The following ST6GAL1 variants were observed in gnomAD, a reference collection of about 807,000 sequenced individuals.
ST6GAL1 encodes beta-galactoside alpha-2,6-sialyltransferase 1.
A neutral mutation model predicts 38.0 loss-of-function variants in ST6GAL1; 20 were observed. The ratio of observed to expected loss-of-function variants is 0.53; its 90% CI spans 0.37 to 0.77. The LOEUF is 0.77. ST6GAL1 is among the 30% of genes least tolerant of loss of function. The pLI is 0.00. For synonymous variants in ST6GAL1, 196 were observed against 188.2 expected (o/e 1.04, Z -0.34); for missense variants, 432 against 496.4 (o/e 0.87, Z 1.23).
chr3:186,984,542 T>C (rs984904450), intron 2 of ST6GAL1, among the ~76,000 whole-genome samples: 1 of 151,962 alleles, frequency 6.6e-6, no homozygotes, highest in Non-Finnish European at 1.5e-5. Flanking sequence ...ACCAGTGCAC[T>C]CCTGCCTTGA....
chr3:186,983,522 A>G (rs1247195804), intron 2 of ST6GAL1, among the ~76,000 whole-genome samples: 1 of 152,122 alleles, frequency 6.6e-6, no homozygotes, highest in Non-Finnish European at 1.5e-5. Flanking sequence ...ACAGTGATCC[A>G]GGGGCACTCA....
intron 2 of ST6GAL1, among the ~76,000 whole-genome samples, chr3:186,972,926 CA>C (rs1715398014): frequency 6.6e-6 from 1 of 152,104 alleles, no homozygotes; most frequent in Non-Finnish European, 1.5e-5. Context: ...AGTGTATTTC[CA>C]GGGGGAATGG....
intron 5 of ST6GAL1, chr3:187,064,716 T>C: frequency 2.3e-6 from 1 of 441,514 alleles, no homozygotes; most frequent in Non-Finnish European, 4.5e-6. Flanking sequence ...GCACTTGTGG[T>C]GGTACTGAAC....
At chr3:186,949,610 C>T (rs557709213) in intron 1 of ST6GAL1, among the ~76,000 whole-genome samples, 1 of 152,350 alleles carries the variant, frequency 6.6e-6, no homozygotes, top group African/African-American at 2.4e-5. Context: ...TCTCCCCAGC[C>T]AGATCCAGTG....
intron 3 of ST6GAL1, among the ~76,000 whole-genome samples, chr3:187,039,638 A>G (rs1379499044): frequency 6.6e-6 from 1 of 152,202 alleles, no homozygotes; most frequent in Non-Finnish European, 1.5e-5. Flanking sequence ...GGAAAATTCA[A>G]AGCTTAGTGT....
intron 2 of ST6GAL1, among the ~76,000 whole-genome samples, chr3:187,022,213 T>A (rs1717339955): frequency 6.6e-6 from 1 of 152,038 alleles, no homozygotes; most frequent in Non-Finnish European, 1.5e-5. Flanking sequence ...GGAACTGAAT[T>A]AGAGGACACC....
chr3:187,071,776 CAAAAAA>C (rs11330261), intron 5 of ST6GAL1, among the ~76,000 whole-genome samples: 3 of 72,318 alleles, frequency 4.1e-5, no homozygotes, highest in Non-Finnish European at 8.3e-5. Flanking sequence ...GACTCCGCCT[CAAAAAA>C]AAAAAAAAAA....
At chr3:187,022,296 A>T (rs555839082) in intron 2 of ST6GAL1, among the ~76,000 whole-genome samples, 2 of 152,060 alleles carry the variant, frequency 1.3e-5, no homozygotes, top group East Asian at 1.9e-4. Flanking sequence ...TTCTGTGTTG[A>T]TTGTTGTGGT....
intron 1 of ST6GAL1, among the ~76,000 whole-genome samples, chr3:186,933,443 G>A (rs990715138): frequency 2.0e-5 from 3 of 152,170 alleles, no homozygotes; most frequent in Admixed American, 6.5e-5. Context: ...GCACGAGCTC[G>A]GAACCACCGA....
intron 2 of ST6GAL1, among the ~76,000 whole-genome samples, chr3:186,967,200 G>A (rs889484075): frequency 2.0e-5 from 3 of 152,054 alleles, no homozygotes; most frequent in South Asian, 2.1e-4. Flanking sequence ...TTGTTTGTTC[G>A]TTTGTTTTTT....
chr3:187,069,150 T>C lies in ST6GAL1; in HGVS notation c.706-3699T>C, dbSNP rs116845310. ...TGAACTTCTTCTTTTTTTTTTTTTT[T>C]CTCAAGACGGAGTCTCGCTCTGTCG... On this transcript the variant is annotated intron_variant, in intron 5 of 7. Transcript: ENST00000169298. Among the ~76,000 whole-genome samples, 2,741 of 152,092 alleles carry C rather than the reference T, an allele frequency of 0.018. 182 individuals are homozygous for C. In the East Asian group the frequency reaches 0.23, roughly 13 times the overall value.
intron 2 of ST6GAL1, among the ~76,000 whole-genome samples, chr3:186,977,245 G>A (rs1471239441): frequency 3.3e-5 from 5 of 152,044 alleles, no homozygotes. Context: ...CCTCCCCCAC[G>A]GCTTCTCCCC....
intron 2 of ST6GAL1, among the ~76,000 whole-genome samples, chr3:187,028,661 TC>T (rs1273198103): frequency 6.6e-6 from 1 of 152,160 alleles, no homozygotes; most frequent in Non-Finnish European, 1.5e-5. Context: ...TCCCCATTTG[TC>T]CCCAAGGTGA....
intron 2 of ST6GAL1, chr3:186,975,191 G>C (rs949135209): frequency 1.3e-5 from 2 of 152,958 alleles, no homozygotes; most frequent in Non-Finnish European, 2.9e-5. Flanking sequence ...CTGTGTGCAC[G>C]GTGGGTGTTG....
At chr3:186,969,327 A>G (rs1443237301) in intron 2 of ST6GAL1, among the ~76,000 whole-genome samples, 1 of 152,208 alleles carries the variant, frequency 6.6e-6, no homozygotes, top group East Asian at 1.9e-4. Flanking sequence ...TGCTGGGATT[A>G]CAGGCGTGAG....
chr3:186,966,632 T>C (rs893381801), intron 2 of ST6GAL1, among the ~76,000 whole-genome samples: 2 of 152,250 alleles, frequency 1.3e-5, no homozygotes, highest in African/African-American at 4.8e-5. Flanking sequence ...TGCAAAATGC[T>C]ACACTGTTCC....
At chr3:187,045,290 C>CTTT (rs4012167) in intron 4 of ST6GAL1, among the ~76,000 whole-genome samples, 61 of 146,950 alleles carry the variant, frequency 4.2e-4, no homozygotes, top group Admixed American at 1.0e-3. Context: ...CATTTTATGA[C>CTTT]TTTTTTTTTT....
At chr3:187,048,913 A>C (rs1204543953) in intron 4 of ST6GAL1, among the ~76,000 whole-genome samples, 1 of 106,354 alleles carries the variant, frequency 9.4e-6, no homozygotes, top group Non-Finnish European at 1.7e-5. Context: ...TTTTTTGAGA[A>C]TGAGTCTTGT....
At chr3:186,972,043 A>G (rs180844205) in intron 2 of ST6GAL1, among the ~76,000 whole-genome samples, 7 of 152,326 alleles carry the variant, frequency 4.6e-5, no homozygotes, top group Non-Finnish European at 1.0e-4. Flanking sequence ...CTTATGGACC[A>G]GGCTCTAAGT....
Sources: gnomAD v4.1 joint callset for allele counts (sites outside exome capture counted in the v4.1 genomes callset) on GRCh38, gnomAD v4.1.1 for gene constraint, MANE v1.5 for transcripts, NCBI Gene and HGNC (gene_info 2026-07-23, HGNC 2026-07-21) for gene names.